The following VPS13A variants were observed in gnomAD, a reference collection of about 807,000 sequenced individuals.
The protein encoded by VPS13A is intermembrane lipid transfer protein VPS13A.
In VPS13A, 264 loss-of-function variants were observed where a neutral mutation model predicts 390.9. That is an observed-to-expected ratio of 0.68 (90% confidence interval 0.61 to 0.75). VPS13A has a LOEUF of 0.75. VPS13A is among the 30% of genes least tolerant of loss of function. The pLI is 0.00. For synonymous variants in VPS13A, 1,231 were observed against 1,227.1 expected, an observed-to-expected ratio of 1.00 and a Z score of -0.07; for missense variants, 3,409 against 3,733.9, an observed-to-expected ratio of 0.91 and a Z score of 2.27.
chr9:77,390,180 C>T, intron 68 of VPS13A: 1 of 893,696 alleles, frequency 1.1e-6, no homozygotes, highest in Non-Finnish European at 1.3e-6. Flanking sequence ...GGCTATTGGA[C>T]TTCACTCTTC....
At chr9:77,384,989 G>T in intron 68 of VPS13A, 9 of 1,069,078 alleles carry the variant, frequency 8.4e-6, no homozygotes, top group Middle Eastern at 4.3e-4. Flanking sequence ...GATGTTCACT[G>T]GTTTTATTTT....
intron 23 of VPS13A, among the ~76,000 whole-genome samples, chr9:77,267,774 C>G (rs755376808): frequency 1.3e-5 from 2 of 152,200 alleles, no homozygotes; most frequent in Non-Finnish European, 2.9e-5. Flanking sequence ...CACAGCCGCC[C>G]CTTCCCCCAG....
intron 47 of VPS13A, chr9:77,338,464 CT>C (rs1287912725): frequency 1.3e-5 from 2 of 152,020 alleles, no homozygotes; most frequent in Non-Finnish European, 2.9e-5. Flanking sequence ...GGCTTTATTG[CT>C]TTTCTAAATC....
chr9:77,410,886 CAA>C (rs914975801), intron 71 of VPS13A, among the ~76,000 whole-genome samples: 1 of 151,696 alleles, frequency 6.6e-6, no homozygotes, highest in Non-Finnish European at 1.5e-5. Context: ...ATCAACGAGA[CAA>C]AGTTAACAAG....
At chr9:77,329,470 G>A (rs1484720638) in intron 45 of VPS13A, among the ~76,000 whole-genome samples, 1 of 152,134 alleles carries the variant, frequency 6.6e-6, no homozygotes, top group Non-Finnish European at 1.5e-5. Context: ...GTTATTAATT[G>A]TCCTAATTTC....
At chr9:77,371,394 A>G (rs1370769318) in intron 67 of VPS13A, among the ~76,000 whole-genome samples, 1 of 152,276 alleles carries the variant, frequency 6.6e-6, no homozygotes, top group East Asian at 1.9e-4. Flanking sequence ...GTGTCATCCC[A>G]TGGCAGAAGG....
At position 77,341,229 on chromosome 9, in the gene VPS13A, A is replaced by G. The variant is rs373222586; in HGVS notation, c.7026+679A>G. ...AAAAATCTCTCTGGCGGGAGGGACA[A>G]TGATCGGGATATAAACCCAGGCGTT... On this transcript the variant is annotated intron_variant, in intron 50 of 71. Transcript: ENST00000360280. 1.7e-4 allele frequency among the ~76,000 whole-genome samples: 26 copies of G among 152,148 alleles called. No homozygotes were observed. The East Asian group carries it at 1.7e-3, about 10-fold the overall frequency.
chr9:77,366,061 TA>T (rs1440185670), intron 60 of VPS13A, among the ~76,000 whole-genome samples: 3 of 152,068 alleles, frequency 2.0e-5, no homozygotes, highest in African/African-American at 7.2e-5. Flanking sequence ...ACTTCTGAAA[TA>T]ATTGAAACAT....
At chr9:77,242,860 G>GTATTTTACC (rs2131247335) in intron 19 of VPS13A, among the ~76,000 whole-genome samples, 1 of 152,004 alleles carries the variant, frequency 6.6e-6, no homozygotes, top group South Asian at 2.1e-4. Flanking sequence ...GAAGTCTTCA[G>GTATTTTACC]TATTTTACCT....
chr9:77,213,743 A>G (rs776361176), intron 9 of VPS13A, among the ~76,000 whole-genome samples: 2 of 152,162 alleles, frequency 1.3e-5, no homozygotes, highest in East Asian at 1.9e-4. Context: ...GCCTCAAGCA[A>G]TCCTCCCAAC....
intron 45 of VPS13A, among the ~76,000 whole-genome samples, chr9:77,326,697 C>A (rs976550117): frequency 6.6e-5 from 10 of 152,000 alleles, no homozygotes; most frequent in African/African-American, 2.2e-4. Context: ...CATGTCATTT[C>A]TGGTTTGTTT....
intron 68 of VPS13A, among the ~76,000 whole-genome samples, chr9:77,401,000 C>T (rs1047391584): frequency 1.2e-4 from 18 of 151,752 alleles, no homozygotes; most frequent in Non-Finnish European, 2.1e-4. Flanking sequence ...ATGTGTTTAC[C>T]CACTAATTTG....
chr9:77,316,924 A>G (rs781267322), intron 39 of VPS13A, among the ~76,000 whole-genome samples: 2 of 151,940 alleles, frequency 1.3e-5, no homozygotes, highest in African/African-American at 2.4e-5. Flanking sequence ...TCATAACTCT[A>G]CTTAAAATTC....
Position 77,370,326 on chromosome 9 carries a change from G to A in VPS13A, c.8737G>A (p.Ala2913Thr), listed in dbSNP as rs1249666993. 3.7e-6 allele frequency: 6 copies of A among 1,614,172 alleles called. No individual in the cohort carries two copies. Among genetic ancestry groups the A allele is most frequent in the Non-Finnish European group, 5.1e-6 (6 of 1,180,010 alleles). Residue 2913 changes from alanine to threonine, a missense_variant, in exon 64 of 72, where the codon GCT becomes ACT. Coordinates refer to ENST00000360280, the MANE Select transcript of VPS13A (RefSeq NM_033305.3). ...AGGACTTAAGGCACTAGTTGGTGGA[G>A]CTGTTGGTAAGAAACAGAATATCTA... ...ALGLKALVGG[A>T]VGGLAGAASK...
chr9:77,410,577 C>G (rs1053531096), intron 71 of VPS13A, among the ~76,000 whole-genome samples: 3 of 151,938 alleles, frequency 2.0e-5, no homozygotes, highest in South Asian at 2.1e-4. Flanking sequence ...CACATAGGCT[C>G]AAAATAAAGG....
At chr9:77,367,206 G>A (rs1233454667) in intron 61 of VPS13A, among the ~76,000 whole-genome samples, 1 of 152,126 alleles carries the variant, frequency 6.6e-6, no homozygotes, top group Non-Finnish European at 1.5e-5. Context: ...GAAGCTAATA[G>A]GAATAAGACT....
chr9:77,314,223 T>G (rs1239845807), intron 36 of VPS13A, 104 bp downstream of exon 36: 21 of 1,249,586 alleles, frequency 1.7e-5, no homozygotes, highest in Non-Finnish European at 2.4e-5. Flanking sequence ...TTTTGTAGTA[T>G]CTGTCCCTCT....
Position 77,353,599 on chromosome 9 carries a change from A to G in VPS13A, c.7610A>G (p.Asn2537Ser), listed in dbSNP as rs769182782. The stretch of plus-strand genomic sequence containing the variant: ...CAAGATGTTGGAATTTCTCTTGTCA[A>G]CAATTACACGAAGCAAGAAGTAGCC... ...ALQDVGISLVNNYTKQEVAYI... is the reference protein window; with the variant it reads ...ALQDVGISLVSNYTKQEVAYI... Residue 2537 changes from asparagine to serine, a missense_variant, in exon 54 of 72, where the codon AAC becomes AGC. Transcript: ENST00000360280. 5.0e-6 allele frequency: 8 copies of G among 1,613,542 alleles called. No homozygotes were observed. In the South Asian group the frequency reaches 7.7e-5, roughly 16 times the overall value.
At chr9:77,312,618 G>C (rs1285619528) in intron 35 of VPS13A, among the ~76,000 whole-genome samples, 1 of 151,856 alleles carries the variant, frequency 6.6e-6, no homozygotes, top group Non-Finnish European at 1.5e-5. Context: ...AGTAGAGACG[G>C]GTTAGCCAGG....
Sources: gnomAD v4.1 joint callset for allele counts (sites outside exome capture counted in the v4.1 genomes callset) on GRCh38, gnomAD v4.1.1 for gene constraint, MANE v1.5 for transcripts, NCBI Gene and HGNC (gene_info 2026-07-23, HGNC 2026-07-21) for gene names.